Variants in SFMBT1 observed in about 807,000 individuals in gnomAD.
SFMBT1 encodes the protein Scm like with four mbt domains 1, also known as scm-like with four MBT domains protein 1.
A neutral mutation model predicts 108.7 loss-of-function variants in SFMBT1; 32 were observed. The observed-to-expected ratio is 0.29, with a 90% CI of 0.22 to 0.40. The LOEUF (loss-of-function observed/expected upper bound fraction) is 0.40. Ranked by LOEUF, SFMBT1 falls within the 10% of genes least tolerant of loss-of-function variation. The pLI is 1.00. For missense variants in SFMBT1, 816 were observed against 1,059.6 expected, an observed-to-expected ratio of 0.77 and a Z score of 3.19; for synonymous variants, 348 against 369.5, an observed-to-expected ratio of 0.94 and a Z score of 0.67.
chr3:52,925,524 T>C (rs374759342), intron 10 of SFMBT1, among the ~76,000 whole-genome samples: 2 of 152,328 alleles, frequency 1.3e-5, no homozygotes, highest in Non-Finnish European at 1.5e-5. Context: ...GGTTTTTATT[T>C]TGAAAATGAA....
At chr3:52,922,007 A>G (rs3733035) in intron 10 of SFMBT1, among the ~76,000 whole-genome samples, 176 bp from the exon 11 acceptor site, 17,156 of 152,184 alleles carry the variant, frequency 0.11, 1,005 homozygotes, top group Non-Finnish European at 0.13. Flanking sequence ...TCCTGGTGTT[A>G]TAGGAAGTAT....
At chr3:52,981,390 T>G (rs1193016337) in intron 1 of SFMBT1, among the ~76,000 whole-genome samples, 1 of 151,922 alleles carries the variant, frequency 6.6e-6, no homozygotes, top group Admixed American at 6.6e-5. Flanking sequence ...TGAGACAGGG[T>G]CTTGTTCTGT....
Position 52,905,084 on chromosome 3 carries a change from A to G in SFMBT1, c.*52T>C. On this transcript the variant is annotated 3_prime_UTR_variant, in exon 21 of 21. Coordinates refer to ENST00000394752, the MANE Select transcript of SFMBT1 (RefSeq NM_016329.4). ...CAGCTCCACTTATAAAGCAGGGTGA[A>G]GGATTTGCTGCATTTGTGCTTCAAA... 6.3e-7 allele frequency: 1 copy of G among 1,599,574 alleles called. No homozygotes were observed. Among genetic ancestry groups the G allele is most frequent in the Non-Finnish European group, 8.5e-7 (1 of 1,172,652 alleles).
In SFMBT1 at chr3:52,959,512, C is replaced by T. The variant is rs1703891239; in HGVS notation, c.29-5101G>A. Among the ~76,000 whole-genome samples the T allele has an allele frequency of 3.3e-5, 5 of 152,240 alleles. No individual in the cohort carries two copies. In the Middle Eastern group the frequency reaches 0.01, roughly 311 times the overall value. ...CACTCGGGTGACAATGAGGTTCCTG[C>T]CATTCTTTAATCATACTCTTTCTAC... On this transcript the variant is annotated intron_variant, in intron 2 of 20. Transcript: ENST00000394752.
chr3:52,946,820 G>A (rs1703383780), intron 3 of SFMBT1, among the ~76,000 whole-genome samples: 1 of 146,820 alleles, frequency 6.8e-6, no homozygotes, highest in Non-Finnish European at 1.5e-5. Context: ...CACCCAGGCT[G>A]GACTGCAGTG....
intron 2 of SFMBT1, among the ~76,000 whole-genome samples, chr3:52,960,264 A>G (rs1438465452): frequency 6.6e-6 from 1 of 152,148 alleles, no homozygotes; most frequent in Non-Finnish European, 1.5e-5. Flanking sequence ...GATGAAAAGA[A>G]TACGTATCAA....
At chr3:53,039,862 C>A (rs569880018) in intron 1 of SFMBT1, among the ~76,000 whole-genome samples, 1 of 151,962 alleles carries the variant, frequency 6.6e-6, no homozygotes, top group Non-Finnish European at 1.5e-5. Context: ...GTGCAGGATG[C>A]GCAGGTTTGT....
intron 3 of SFMBT1, among the ~76,000 whole-genome samples, chr3:52,952,186 A>G (rs1369838107): frequency 1.3e-5 from 2 of 152,114 alleles, no homozygotes; most frequent in Admixed American, 6.5e-5. Context: ...GTGAAACCCC[A>G]TCTCTACTAA....
intron 1 of SFMBT1, among the ~76,000 whole-genome samples, chr3:52,981,844 C>T (rs1330648620): frequency 6.6e-6 from 1 of 152,054 alleles, no homozygotes; most frequent in Admixed American, 6.6e-5. Context: ...CAGGACAGCC[C>T]GCTAACCCCC....
At chr3:53,029,854 A>G (rs62255897) in intron 1 of SFMBT1, among the ~76,000 whole-genome samples, 41,368 of 151,568 alleles carry the variant, frequency 0.27, 6,173 homozygotes, top group Middle Eastern at 0.41. Flanking sequence ...TCTACCTCCA[A>G]CTCCTCTTAC....
At chr3:52,953,801 G>C (rs1703676867) in intron 3 of SFMBT1, among the ~76,000 whole-genome samples, 1 of 152,114 alleles carries the variant, frequency 6.6e-6, no homozygotes, top group Admixed American at 6.5e-5. Flanking sequence ...GCATTGAGTA[G>C]CAGAAAATAC....
intron 1 of SFMBT1, among the ~76,000 whole-genome samples, chr3:53,040,024 G>T (rs900155527): frequency 1.3e-5 from 2 of 152,122 alleles, no homozygotes; most frequent in Non-Finnish European, 2.9e-5. Flanking sequence ...AGACCAAAAG[G>T]TATCTTAAAG....
intron 5 of SFMBT1, among the ~76,000 whole-genome samples, chr3:52,934,518 C>T (rs1702947565): frequency 6.6e-6 from 1 of 151,586 alleles, no homozygotes; most frequent in African/African-American, 2.4e-5. Context: ...GCAGAATCGA[C>T]CTCTGCTCAG....
chr3:52,908,534 C>T (rs1300157493), intron 17 of SFMBT1, among the ~76,000 whole-genome samples: 1 of 152,084 alleles, frequency 6.6e-6, no homozygotes, highest in East Asian at 1.9e-4. Flanking sequence ...ATCATTTAAC[C>T]ATGTTAAGTT....
At chr3:53,037,805 T>A (rs1198553793) in intron 1 of SFMBT1, among the ~76,000 whole-genome samples, 1 of 151,930 alleles carries the variant, frequency 6.6e-6, no homozygotes, top group Non-Finnish European at 1.5e-5. Flanking sequence ...AGAGACCCCA[T>A]CTCTACAAAA....
At chr3:52,934,692 T>C in intron 5 of SFMBT1, 121 bp downstream of exon 5, 1 of 756,648 alleles carries the variant, frequency 1.3e-6, no homozygotes, top group Non-Finnish European at 2.1e-6. Context: ...CCAATACCTA[T>C]GCCTATGTCT....
rs1436546720 is a variant in SFMBT1, at chr3:52,932,069, G to T, written c.693C>A (p.Pro231=). 9.3e-6 allele frequency: 15 copies of T among 1,613,514 alleles called. No individual in the cohort carries two copies. The highest frequency in any genetic ancestry group is 1.3e-5 in the Non-Finnish European group (15 of 1,179,862). ...WAAQQGYELQ[P]PSAIRHLKNE... is the part of the protein sequence containing the mutation. Reference sequence around the variant, plus strand: ...TGTCCTATTACTCTTCACCTGAAGGGGGCTGAAGCTCATATCCCTGTTGAG... The same window carrying T: ...TGTCCTATTACTCTTCACCTGAAGGTGGCTGAAGCTCATATCCCTGTTGAG... The change falls in exon 6 of 21, where the codon CCC becomes CCA. Residue 231 remains proline (P), a synonymous_variant. Transcript: ENST00000394752.
Position 52,907,598 on chromosome 3 carries a change from C to T in SFMBT1, c.2042G>A (p.Arg681His), listed in dbSNP as rs575405720. The stretch of plus-strand genomic sequence containing the variant: ...GGTATTATCAACAGATGCAGAGGAG[C>T]GTTTCTTCTTATGAACAAAAACATT... ...RKNVFVHKKK[R>H]SSASVDNTPA... The change falls in exon 18 of 21, where the codon CGC becomes CAC. Residue 681 changes from arginine (R) to histidine (H), a missense_variant. Transcript: ENST00000394752. 25 of 1,614,036 alleles carry T rather than the reference C, an allele frequency of 1.5e-5. No homozygotes were observed. In the Admixed American group the frequency reaches 1.8e-4, roughly 12 times the overall value.
chr3:53,016,739 T>C (rs559198311), intron 1 of SFMBT1, among the ~76,000 whole-genome samples: 1 of 152,222 alleles, frequency 6.6e-6, no homozygotes, highest in South Asian at 2.1e-4. Flanking sequence ...TGGCTCATTT[T>C]TTCACTCTCT....
Sources: allele counts gnomAD v4.1 joint callset (sites outside exome capture counted in the v4.1 genomes callset), GRCh38; gene constraint gnomAD v4.1.1; transcripts MANE v1.5; gene names NCBI Gene and HGNC (gene_info 2026-07-23, HGNC 2026-07-21).